MRC1: variants seen among roughly 807,000 people sequenced by gnomAD.
The protein encoded by MRC1 is macrophage mannose receptor 1.
A neutral mutation model predicts 102.9 loss-of-function variants in MRC1; 62 were observed. The ratio of observed to expected loss-of-function variants is 0.60; its 90% CI spans 0.49 to 0.74. The LOEUF is 0.74. Ranked by LOEUF, MRC1 falls within the 30% of genes least tolerant of loss-of-function variation. The probability of loss-of-function intolerance (pLI) is 0.00; values close to 1 mark genes in which losing one functional copy is unlikely to be tolerated. For synonymous variants in MRC1, 457 were observed against 298.4 expected (o/e 1.53, Z -5.48); for missense variants, 1,237 against 862.8 (o/e 1.43, Z -5.43).
At chr10:17,820,212 T>C (rs1008484278) in intron 1 of MRC1, among the ~76,000 whole-genome samples, 5 of 152,282 alleles carry the variant, frequency 3.3e-5, no homozygotes, top group East Asian at 1.9e-4. Context: ...CCCAGCCACG[T>C]TGACACATAA....
At chr10:17,872,763 C>A (rs1412012182) in intron 15 of MRC1, among the ~76,000 whole-genome samples, 4 of 152,146 alleles carry the variant, frequency 2.6e-5, no homozygotes, top group African/African-American at 9.7e-5. Flanking sequence ...TCAAGTCAGG[C>A]CAGAGGATCC....
intron 26 of MRC1, 25 bp from the exon 27 acceptor site, chr10:17,906,861 A>T (rs1426856121): frequency 2.6e-6 from 2 of 780,554 alleles, no homozygotes; most frequent in African/African-American, 3.4e-5. Context: ...TGCAGCTATC[A>T]TATTTATCCT....
At chr10:17,895,472 G>A (rs1451500251) in intron 23 of MRC1, among the ~76,000 whole-genome samples, 2 of 151,498 alleles carry the variant, frequency 1.3e-5, no homozygotes, top group Admixed American at 6.6e-5. Flanking sequence ...TGTCAGAATA[G>A]GAATACCTCC....
intron 21 of MRC1, among the ~76,000 whole-genome samples, chr10:17,884,906 G>A (rs987662154): frequency 6.6e-5 from 10 of 152,132 alleles, no homozygotes; most frequent in African/African-American, 2.4e-4. Flanking sequence ...TTACAGAATC[G>A]GGACAGCTGC....
intron 23 of MRC1, among the ~76,000 whole-genome samples, chr10:17,897,709 G>A (rs952170609): frequency 7.2e-5 from 11 of 152,096 alleles, no homozygotes; most frequent in African/African-American, 1.9e-4. Context: ...TTAATTTGTG[G>A]GATTAAACTA....
At chr10:17,882,300 G>C (rs1833531409) in intron 21 of MRC1, among the ~76,000 whole-genome samples, 1 of 152,092 alleles carries the variant, frequency 6.6e-6, no homozygotes, top group African/African-American at 2.4e-5. Context: ...ATCCTGTGTC[G>C]CCTCAGATAG....
chr10:17,816,078 C>T (rs1045225125), intron 1 of MRC1, among the ~76,000 whole-genome samples: 1 of 152,188 alleles, frequency 6.6e-6, no homozygotes, highest in East Asian at 1.9e-4. Flanking sequence ...CCTGCCTTGG[C>T]CTCCTGTTCA....
intron 1 of MRC1, among the ~76,000 whole-genome samples, chr10:17,815,861 C>G (rs1489786077): frequency 6.7e-6 from 1 of 149,828 alleles, no homozygotes; most frequent in Admixed American, 6.6e-5. Context: ...GTGTCTCACT[C>G]TGTCGCCCAG....
At chr10:17,879,061 ACT>A (rs2130688132) in intron 18 of MRC1, among the ~76,000 whole-genome samples, 1 of 152,010 alleles carries the variant, frequency 6.6e-6, no homozygotes, top group South Asian at 2.1e-4. Context: ...AATTCTATAC[ACT>A]CTGCCTCTCC....
intron 1 of MRC1, among the ~76,000 whole-genome samples, chr10:17,820,711 AAC>A (rs1838382170): frequency 6.6e-6 from 1 of 152,224 alleles, no homozygotes; most frequent in South Asian, 2.1e-4. Context: ...TAGGTAGAAT[AAC>A]ACAAACAAAT....
intron 22 of MRC1, among the ~76,000 whole-genome samples, chr10:17,886,056 T>C (rs1833588888): frequency 6.6e-6 from 1 of 152,144 alleles, no homozygotes; most frequent in African/African-American, 2.4e-5. Flanking sequence ...GTGTGTACAC[T>C]TAAACTAGAC....
intron 28 of MRC1, 63 bp downstream of exon 28, chr10:17,907,761 T>C: frequency 1.3e-6 from 1 of 776,564 alleles, no homozygotes; most frequent in Non-Finnish European, 2.4e-6. Flanking sequence ...AATAGTAAGA[T>C]ATCAGGTATG....
At chr10:17,844,000 T>G (rs1838788342) in intron 5 of MRC1, among the ~76,000 whole-genome samples, 1 of 152,108 alleles carries the variant, frequency 6.6e-6, no homozygotes, top group Non-Finnish European at 1.5e-5. Context: ...TATATTAGAG[T>G]AGCAAAACGC....
intron 1 of MRC1, among the ~76,000 whole-genome samples, chr10:17,813,054 C>A (rs1554837562): frequency 1.3e-5 from 2 of 152,082 alleles, no homozygotes; most frequent in East Asian, 3.9e-4. Flanking sequence ...ACCATTAAAG[C>A]AAGAACAAAC....
At chr10:17,838,453 T>G (rs1409636003) in intron 4 of MRC1, among the ~76,000 whole-genome samples, 5 of 152,110 alleles carry the variant, frequency 3.3e-5, no homozygotes, top group Non-Finnish European at 5.9e-5. Context: ...GATGAGGATT[T>G]ACAGAACTGA....
intron 14 of MRC1, 65 bp downstream of exon 14, chr10:17,871,000 T>C: frequency 2.4e-6 from 2 of 833,568 alleles, no homozygotes; most frequent in South Asian, 2.8e-5. Flanking sequence ...ATGTTGTCTT[T>C]TTTTTTAATG....
chr10:17,853,073 A>C lies in MRC1; in HGVS notation c.1356A>C (p.Glu452Asp). 1 of 780,838 alleles carries C rather than the reference A, an allele frequency of 1.3e-6. No homozygotes were observed. Among genetic ancestry groups the C allele is most frequent in the South Asian group, 1.3e-5 (1 of 74,602 alleles). The allele number at this position is 780,838 out of a possible 1,614,324, so 48.4% of individuals were successfully genotyped here. Reference protein sequence around the residue: ...PVTFTKWLRGEPSHENNRQED... With the variant: ...PVTFTKWLRGDPSHENNRQED... ...CGTTTACCAAATGGCTTCGTGGAGA[A>C]CCAAGCCATGAAAACAACAGACAGG... Residue 452 changes from glutamate to aspartate, a missense_variant, in exon 8 of 30, where the codon GAA (glutamate) becomes GAC (aspartate). Physicochemically the swap from Glu to Asp is conservative, Grantham distance 45 (BLOSUM62 2). Coordinates refer to ENST00000569591, the MANE Select transcript of MRC1 (RefSeq NM_002438.4).
At chr10:17,809,772 A>AG (rs1441700130) in intron 1 of MRC1, among the ~76,000 whole-genome samples, 5 of 152,232 alleles carry the variant, frequency 3.3e-5, no homozygotes, top group South Asian at 2.1e-4. Context: ...GGAACCCTAC[A>AG]GACCTTCAGT....
chr10:17,827,706 C>T lies in MRC1; in HGVS notation c.628C>T (p.Pro210Ser). The T allele has an allele frequency of 1.3e-6, 1 of 780,806 alleles. No homozygotes were observed. The highest frequency in any genetic ancestry group is 1.7e-5 in the Admixed American group (1 of 59,016). The allele number at this position is 780,806 out of a possible 1,614,324, so 48.4% of individuals were successfully genotyped here. ...YDTDKLFGYC[P>S]LKFEGSESLW... ...CACAGACAAGCTATTTGGATATTGT[C>T]CATTGAAATGTAAGTACTGTTTATC... Residue 210 changes from proline (P) to serine (S), a missense_variant, in exon 3 of 30, where the codon CCA (proline) becomes TCA (serine). Pro to Ser is a moderately conservative substitution (Grantham distance 74, BLOSUM62 -1). Transcript: ENST00000569591.
Sources: allele counts gnomAD v4.1 joint callset (sites outside exome capture counted in the v4.1 genomes callset), GRCh38; gene constraint gnomAD v4.1.1; transcripts MANE v1.5; gene names NCBI Gene and HGNC (gene_info 2026-07-23, HGNC 2026-07-21).